The following NEIL2 variants were observed in gnomAD, a reference collection of about 807,000 sequenced individuals.
NEIL2 encodes endonuclease 8-like 2.
A neutral mutation model predicts 22.2 loss-of-function variants in NEIL2; 23 were observed. The observed-to-expected ratio is 1.04, with a 90% CI of 0.75 to 1.47. The LOEUF is 1.47. Ranked by LOEUF, NEIL2 falls within the 40% of genes most tolerant of loss-of-function variation. The pLI is 0.00. For missense variants in NEIL2, 583 were observed against 404.7 expected, an observed-to-expected ratio of 1.44 and a Z score of -3.78; for synonymous variants, 229 against 164.8, an observed-to-expected ratio of 1.39 and a Z score of -2.99.
rs1195094413 is a variant in NEIL2 at position 11,769,984 on chromosome 8, G to C, written c.-354G>C. ...CTCCCCGCACCCCGAGGCAGAGTTG[G>C]GAAAGCAGTGGTCTTAGACCCCCCA... On this transcript the variant is annotated 5_prime_UTR_variant, in exon 1 of 5. Coordinates refer to ENST00000284503, the MANE Select transcript of NEIL2 (RefSeq NM_145043.4). 6.6e-6 allele frequency: 1 copy of C among 152,304 alleles called. No homozygotes were observed. Among genetic ancestry groups the C allele is most frequent in the Non-Finnish European group, 1.5e-5 (1 of 68,142 alleles). 9.4% of individuals were successfully genotyped at this position (152,304 alleles called of 1,614,324 possible).
rs548048744 is a variant in NEIL2, at chr8:11,779,921, G to T, written c.462G>T (p.Lys154Asn). ...NDFSRAKKAN[K>N]RGDWRDPSPR... ...TCTCCAGAGCCAAGAAAGCCAACAA[G>T]AGGGGGGACTGGAGGGACCCTTCCC... The change falls in exon 3 of 5, where the codon AAG becomes AAT. Residue 154 changes from lysine (K) to asparagine (N), a missense_variant. By Grantham distance (94) the Lys-to-Asn change is moderately conservative (BLOSUM62 0). Coordinates refer to ENST00000284503, the MANE Select transcript of NEIL2 (RefSeq NM_145043.4). The T allele has an allele frequency of 1.5e-5, 25 of 1,614,154 alleles. No individual in the cohort carries two copies. The Admixed American group carries it at 2.2e-4, about 14-fold the overall frequency.
Position 11,786,758 on chromosome 8 carries a change from C to G in NEIL2, c.*485C>G. 5.2e-6 allele frequency: 1 copy of G among 192,558 alleles called. No homozygotes were observed. Among genetic ancestry groups the G allele is most frequent in the Non-Finnish European group, 1.1e-5 (1 of 92,928 alleles). The allele number at this position is 192,558 out of a possible 1,614,324, so 11.9% of individuals were successfully genotyped here. On this transcript the variant is annotated 3_prime_UTR_variant, in exon 5 of 5. Coordinates refer to ENST00000284503, the MANE Select transcript of NEIL2 (RefSeq NM_145043.4). The stretch of plus-strand genomic sequence containing the variant: ...TGGCTCAAGCAGTCTTCATCTCAGC[C>G]TCCAGAGTAGCTGGGACTACAGGCA...
chr8:11,779,744 G>C lies in NEIL2; in HGVS notation c.285G>C (p.Gln95His), dbSNP rs935327866. ...DPKQVGEPSG[Q>H]KTLDGSSRSA... is the part of the protein sequence containing the mutation. The stretch of plus-strand genomic sequence containing the variant: ...AGCAGGTCGGGGAGCCCAGCGGGCA[G>C]AAGACCCTTGATGGATCCTCACGGT... Residue 95 changes from glutamine to histidine, a missense_variant, in exon 3 of 5, where the codon CAG becomes CAC. By Grantham distance (24) the Gln-to-His change is conservative. Coordinates refer to ENST00000284503, the MANE Select transcript of NEIL2 (RefSeq NM_145043.4). 6.2e-6 allele frequency: 10 copies of C among 1,614,120 alleles called. No individual in the cohort carries two copies. Among genetic ancestry groups the C allele is most frequent in the Non-Finnish European group, 8.5e-6 (10 of 1,180,060 alleles).
chr8:11,786,156 C>T lies in NEIL2; in HGVS notation c.882C>T (p.Gly294=). 1 of 1,613,932 alleles carries T rather than the reference C, an allele frequency of 6.2e-7. No individual in the cohort carries two copies. The highest frequency in any genetic ancestry group is 8.5e-7 in the Non-Finnish European group (1 of 1,179,992). ...ACCAGAAAGAACAGTGCCCTGCTGGCCACCAGGTCATGAAGGAGGCGTTTG... is the reference window on the plus strand; with the variant it reads ...ACCAGAAAGAACAGTGCCCTGCTGGTCACCAGGTCATGAAGGAGGCGTTTG... ...QVYQKEQCPA[G]HQVMKEAFGP... is the part of the protein sequence containing the mutation. The change falls in exon 5 of 5, where the codon GGC becomes GGT. Residue 294 remains glycine, a synonymous_variant. Coordinates refer to ENST00000284503, the MANE Select transcript of NEIL2 (RefSeq NM_145043.4).
intron 2 of NEIL2, among the ~76,000 whole-genome samples, chr8:11,775,832 G>C (rs1262801149): frequency 6.6e-6 from 1 of 152,146 alleles, no homozygotes; most frequent in African/African-American, 2.4e-5. Flanking sequence ...CTCCATCTGA[G>C]ACCACTTCAG....
chr8:11,779,442 G>A (rs140620424), intron 2 of NEIL2, among the ~76,000 whole-genome samples, 156 bp from the exon 3 acceptor site: 141 of 152,284 alleles, frequency 9.3e-4, no homozygotes, highest in African/African-American at 3.3e-3. Context: ...TCACACCACT[G>A]GAGCAAAAGA....
chr8:11,783,259 C>T lies in NEIL2; in HGVS notation c.548C>T (p.Ser183Phe), dbSNP rs778744059. 6.2e-7 allele frequency: 1 copy of T among 1,614,244 alleles called. No individual in the cohort carries two copies. The highest frequency in any genetic ancestry group is 8.5e-7 in the Non-Finnish European group (1 of 1,180,042). Reference protein sequence around the residue: ...GFLAFYNCQLSWSSSPVVTPT... With the variant: ...GFLAFYNCQLFWSSSPVVTPT... ...CTGGCATTTTATAATTGTCAGTTGT[C>T]TTGGAGCTCTTCCCCAGTGGTCACA... is the stretch of plus-strand genomic sequence containing the variant. The change falls in exon 4 of 5, where the codon TCT becomes TTT. Residue 183 changes from serine (S) to phenylalanine (F), a missense_variant. Ser to Phe is a radical substitution (Grantham distance 155, BLOSUM62 -2). Coordinates refer to ENST00000284503, the MANE Select transcript of NEIL2 (RefSeq NM_145043.4).
intron 2 of NEIL2, among the ~76,000 whole-genome samples, chr8:11,775,391 C>T (rs192006024): frequency 6.6e-6 from 1 of 152,200 alleles, no homozygotes; most frequent in Non-Finnish European, 1.5e-5. Context: ...GCACCAAGTC[C>T]CTAGGCTGCA....
At chr8:11,777,922 C>A (rs1424012845) in intron 2 of NEIL2, among the ~76,000 whole-genome samples, 1 of 152,230 alleles carries the variant, frequency 6.6e-6, no homozygotes, top group African/African-American at 2.4e-5. Context: ...CCATCTCTTA[C>A]CACTGTTCCA....
rs8191561 is a variant in NEIL2 at position 11,774,294 on chromosome 8, G to A, written c.138+2709G>A. ...GGAGGCTGAGGCAGGAGAATTGCTT[G>A]AACCCAGGAGACAGAGGTTGCAGTG... On this transcript the variant is annotated intron_variant, in intron 2 of 4. Coordinates refer to ENST00000284503, the MANE Select transcript of NEIL2 (RefSeq NM_145043.4). Among the ~76,000 whole-genome samples the A allele has an allele frequency of 7.9e-5, 12 of 151,800 alleles. No homozygotes were observed. In the East Asian group the frequency reaches 2.5e-3, roughly 31 times the overall value.
rs1804937897 is a variant in NEIL2, at chr8:11,786,251, C to T, written c.977C>T (p.Pro326Leu). 1.2e-6 allele frequency: 2 copies of T among 1,612,518 alleles called. No individual in the cohort carries two copies. Among genetic ancestry groups the T allele is most frequent in the Non-Finnish European group, 8.5e-7 (1 of 1,179,976 alleles). The change falls in exon 5 of 5, where the codon CCA becomes CTA. Residue 326 changes from proline to leucine, a missense_variant. Physicochemically the swap from Pro to Leu is moderately conservative, Grantham distance 98 (BLOSUM62 -3). Coordinates refer to ENST00000284503, the MANE Select transcript of NEIL2 (RefSeq NM_145043.4). ...PQCQPQLSEE[P>L]EQCQFS is the part of the protein sequence containing the mutation. ...TGCCAGCCCCAGTTGTCAGAGGAGC[C>T]AGAGCAGTGCCAGTTCTCCTAAGGA... is the stretch of plus-strand genomic sequence containing the variant.
intron 4 of NEIL2, among the ~76,000 whole-genome samples, chr8:11,785,616 G>C (rs1208227117): frequency 6.6e-6 from 1 of 152,222 alleles, no homozygotes; most frequent in Non-Finnish European, 1.5e-5. Context: ...CTGCCTTACA[G>C]ATAAGGAAAC....
At position 11,783,238 on chromosome 8, in the gene NEIL2, C is replaced by A. The variant is rs1395357328; in HGVS notation, c.527C>A (p.Ala176Glu). ...CACTTTGGTGGTGGTGGCTTCCTGG[C>A]ATTTTATAATTGTCAGTTGTCTTGG... ...VLHFGGGGFL[A>E]FYNCQLSWSS... Residue 176 changes from alanine (A) to glutamate (E), a missense_variant, in exon 4 of 5, where the codon GCA (alanine) becomes GAA (glutamate). Physicochemically the swap from Ala to Glu is moderately radical, Grantham distance 107. Transcript: ENST00000284503. 1.2e-6 allele frequency: 2 copies of A among 1,614,104 alleles called. No individual in the cohort carries two copies. The highest frequency in any genetic ancestry group is 2.7e-5 in the African/African-American group (2 of 74,938).
At position 11,783,195 on chromosome 8, in the gene NEIL2, C is replaced by A; in HGVS notation, c.492-8C>A. 3 of 1,613,562 alleles carry A rather than the reference C, an allele frequency of 1.9e-6. No homozygotes were observed. Among genetic ancestry groups the A allele is most frequent in the Non-Finnish European group, 2.5e-6 (3 of 1,179,424 alleles). On this transcript the variant is annotated splice_region_variant and splice_polypyrimidine_tract_variant and intron_variant, in intron 3 of 4. Coordinates refer to ENST00000284503, the MANE Select transcript of NEIL2 (RefSeq NM_145043.4). Reference sequence around the variant, plus strand: ...GATGTGTACATATGACCTGTTCTTTCTTCCCAGGTTGGTCCTGCACTTTGG... The same window carrying A: ...GATGTGTACATATGACCTGTTCTTTATTCCCAGGTTGGTCCTGCACTTTGG...
At chr8:11,776,340 C>T (rs181449308) in intron 2 of NEIL2, among the ~76,000 whole-genome samples, 2 of 152,176 alleles carry the variant, frequency 1.3e-5, no homozygotes, top group African/African-American at 2.4e-5. Context: ...GGGTCCCCCC[C>T]ACAACACGTG....
chr8:11,772,923 C>A (rs1445739226), intron 2 of NEIL2, among the ~76,000 whole-genome samples: 1 of 152,120 alleles, frequency 6.6e-6, no homozygotes, highest in Non-Finnish European at 1.5e-5. Context: ...CACCCCCCAC[C>A]CCCGCAACAC....
At position 11,786,050 on chromosome 8, in the gene NEIL2, T is replaced by C; in HGVS notation, c.776T>C (p.Val259Ala). 1.2e-6 allele frequency: 2 copies of C among 1,613,952 alleles called. No individual in the cohort carries two copies. Among genetic ancestry groups the C allele is most frequent in the Non-Finnish European group, 1.7e-6 (2 of 1,180,000 alleles). Reference sequence around the variant, plus strand: ...GTCCTGAGTGCCTCGCGTCGGGAGGTCCTGGTGGATCACGTGGTGGAGTTC... The same window carrying C: ...GTCCTGAGTGCCTCGCGTCGGGAGGCCCTGGTGGATCACGTGGTGGAGTTC... ...GSVLSASRRE[V>A]LVDHVVEFST... The change falls in exon 5 of 5, where the codon GTC becomes GCC. Residue 259 changes from valine (V) to alanine (A), a missense_variant. Coordinates refer to ENST00000284503, the MANE Select transcript of NEIL2 (RefSeq NM_145043.4).
intron 2 of NEIL2, among the ~76,000 whole-genome samples, chr8:11,777,070 G>T (rs1271856332): frequency 6.6e-6 from 1 of 152,030 alleles, no homozygotes; most frequent in Non-Finnish European, 1.5e-5. Context: ...CACTCTTCTT[G>T]TGAAGCCCAG....
chr8:11,776,336 C>G (rs1032253046), intron 2 of NEIL2, among the ~76,000 whole-genome samples: 1 of 152,224 alleles, frequency 6.6e-6, no homozygotes, highest in African/African-American at 2.4e-5. Context: ...CACCGGGTCC[C>G]CCCCACAACA....
Sources: gnomAD v4.1 joint callset for allele counts (sites outside exome capture counted in the v4.1 genomes callset) on GRCh38, gnomAD v4.1.1 for gene constraint, MANE v1.5 for transcripts, NCBI Gene and HGNC (gene_info 2026-07-23, HGNC 2026-07-21) for gene names.